The following TSNARE1 variants were observed in gnomAD, a reference collection of about 807,000 sequenced individuals.
TSNARE1 encodes t-SNARE domain-containing protein 1.
TSNARE1 carries 49 observed loss-of-function variants against 62.0 expected under a neutral mutation model. The observed-to-expected ratio is 0.79, with a 90% CI of 0.63 to 1.00. The LOEUF (loss-of-function observed/expected upper bound fraction) is 1.00. Among genes scored for constraint, TSNARE1 ranks in the 50% least tolerant of loss-of-function variants. The probability of loss-of-function intolerance (pLI) is 0.00; values close to 1 mark genes in which losing one functional copy is unlikely to be tolerated. For missense variants in TSNARE1, 755 were observed against 700.1 expected, an observed-to-expected ratio of 1.08 and a Z score of -0.88; for synonymous variants, 328 against 294.4, an observed-to-expected ratio of 1.11 and a Z score of -1.17.
At chr8:142,224,129 C>T (rs1333142092) in intron 13 of TSNARE1, among the ~76,000 whole-genome samples, 1 of 152,226 alleles carries the variant, frequency 6.6e-6, no homozygotes, top group Non-Finnish European at 1.5e-5. Context: ...CCTTCATCTA[C>T]AGCAAGAGGC....
At chr8:142,247,678 C>T (rs1015628791) in intron 12 of TSNARE1, 5 of 152,226 alleles carry the variant, frequency 3.3e-5, no homozygotes, top group Admixed American at 2.0e-4. Flanking sequence ...CTCTGACCTG[C>T]TCTGTTTCCC....
intron 13 of TSNARE1, among the ~76,000 whole-genome samples, chr8:142,227,071 C>T (rs1228479419): frequency 6.7e-6 from 1 of 149,482 alleles, no homozygotes; most frequent in African/African-American, 2.5e-5. Context: ...ACTGCACCCA[C>T]ACAGCAGTGA....
chr8:142,292,912 T>C (rs567507073), intron 10 of TSNARE1, among the ~76,000 whole-genome samples: 1 of 152,046 alleles, frequency 6.6e-6, no homozygotes, highest in Non-Finnish European at 1.5e-5. Context: ...AGCACAACCC[T>C]GTCAGTCGGG....
chr8:142,388,215 CTTGA>C (rs1837237203), intron 1 of TSNARE1, among the ~76,000 whole-genome samples: 1 of 152,002 alleles, frequency 6.6e-6, no homozygotes, highest in Non-Finnish European at 1.5e-5. Flanking sequence ...AATAATGATT[CTTGA>C]TTTTTTAAAA....
intron 1 of TSNARE1, among the ~76,000 whole-genome samples, chr8:142,367,298 T>C (rs1835618444): frequency 6.6e-6 from 1 of 152,142 alleles, no homozygotes; most frequent in Admixed American, 6.5e-5. Context: ...GACACAAGAA[T>C]AACTGGGAAA....
intron 12 of TSNARE1, among the ~76,000 whole-genome samples, chr8:142,268,505 G>A (rs993611311): frequency 4.6e-5 from 7 of 152,196 alleles, no homozygotes; most frequent in African/African-American, 1.4e-4. Context: ...GGAAGCCCCC[G>A]ACACTCTAGA....
intron 10 of TSNARE1, among the ~76,000 whole-genome samples, chr8:142,298,171 C>T (rs1825083834): frequency 6.6e-6 from 1 of 152,234 alleles, no homozygotes; most frequent in African/African-American, 2.4e-5. Context: ...CAGCCCAGAG[C>T]CCCAGCTTTC....
At chr8:142,391,654 C>A (rs569954920) in intron 1 of TSNARE1, among the ~76,000 whole-genome samples, 1 of 152,376 alleles carries the variant, frequency 6.6e-6, no homozygotes, top group Non-Finnish European at 1.5e-5. Flanking sequence ...ACAGTGGAAG[C>A]CGTGTGCAGT....
intron 1 of TSNARE1, among the ~76,000 whole-genome samples, chr8:142,401,479 G>A (rs941012486): frequency 6.6e-6 from 1 of 152,304 alleles, no homozygotes. Context: ...CTGCTGGCAG[G>A]AGCCAAACCC....
intron 13 of TSNARE1, among the ~76,000 whole-genome samples, 159 bp from the exon 14 acceptor site, chr8:142,212,472 G>T (rs557525680): frequency 6.6e-6 from 1 of 152,104 alleles, no homozygotes; most frequent in East Asian, 1.9e-4. Context: ...ACCTGCAGCT[G>T]CAGGGGCCAG....
chr8:142,288,622 C>T (rs1005495521), intron 10 of TSNARE1, among the ~76,000 whole-genome samples: 1 of 152,260 alleles, frequency 6.6e-6, no homozygotes, highest in Admixed American at 6.5e-5. Context: ...GAGCCACCTG[C>T]TATCCACGCC....
In TSNARE1 at chr8:142,336,240, C is replaced by T. The variant is rs111689206; in HGVS notation, c.746-4409G>A. Among the ~76,000 whole-genome samples, 802 of 144,216 alleles carry T rather than the reference C, an allele frequency of 5.6e-3. 11 individuals carry two copies. Among genetic ancestry groups the T allele is most frequent in the African/African-American group, 0.02 (762 of 38,484 alleles). 94.6% of individuals were successfully genotyped at this position (144,216 alleles called of 152,430 possible). A position where few individuals can be genotyped will look rare whatever the true frequency, so the allele number is the denominator to read the frequency against. ...AGGCTGCAGTGAGCCTTGATCACAC[C>T]GCTACATTTTAGCATGGACAACAGA... is the stretch of plus-strand genomic sequence containing the variant. On this transcript the variant is annotated intron_variant, in intron 4 of 13. Transcript: ENST00000524325.
At chr8:142,216,237 G>A (rs547780035) in intron 13 of TSNARE1, among the ~76,000 whole-genome samples, 4 of 152,306 alleles carry the variant, frequency 2.6e-5, no homozygotes, top group East Asian at 1.9e-4. Flanking sequence ...TCTGAGGGCT[G>A]AGCCTCAGCC....
intron 1 of TSNARE1, among the ~76,000 whole-genome samples, chr8:142,363,148 C>T (rs1169424536): frequency 2.6e-5 from 4 of 152,158 alleles, no homozygotes; most frequent in African/African-American, 7.2e-5. Flanking sequence ...GCTGTGGCTG[C>T]CTGTGCACTG....
At chr8:142,261,306 G>A (rs1327169928) in intron 12 of TSNARE1, among the ~76,000 whole-genome samples, 2 of 126,120 alleles carry the variant, frequency 1.6e-5, no homozygotes, top group African/African-American at 6.0e-5. Context: ...GGGAAGGAGA[G>A]AGGAAGGAGG....
At chr8:142,356,800 G>C (rs974622694) in intron 1 of TSNARE1, among the ~76,000 whole-genome samples, 2 of 152,136 alleles carry the variant, frequency 1.3e-5, no homozygotes, top group African/African-American at 4.8e-5. Flanking sequence ...ACTTGCCCAA[G>C]GTCCCCCAGC....
At position 142,319,332 on chromosome 8, in the gene TSNARE1, C is replaced by T. The variant is rs548844873; in HGVS notation, c.894-698G>A. Among the ~76,000 whole-genome samples the T allele has an allele frequency of 1.3e-5, 2 of 152,156 alleles. No individual in the cohort carries two copies. The highest frequency in any genetic ancestry group is 4.1e-4 in the South Asian group (2 of 4,826). On this transcript the variant is annotated intron_variant, in intron 6 of 13. Coordinates refer to ENST00000524325, the MANE Select transcript of TSNARE1 (RefSeq NM_145003.5). The surrounding 1 kb of genome is among the most constrained non-coding windows in gnomAD (Gnocchi z 4.9). ...CCCCCCTGCACACCTCTGAGGGGTGCACACCTCTGAGGGGCCCCGGGTGAG... is the reference window on the plus strand; with the variant it reads ...CCCCCCTGCACACCTCTGAGGGGTGTACACCTCTGAGGGGCCCCGGGTGAG...
chr8:142,274,316 C>T (rs147119708), intron 12 of TSNARE1: 1 of 985,446 alleles, frequency 1.0e-6, no homozygotes, highest in East Asian at 1.1e-4. Context: ...AGTGGCTAGT[C>T]CTCAAGGTAG....
intron 13 of TSNARE1, among the ~76,000 whole-genome samples, chr8:142,221,560 T>C (rs954123684): frequency 2.0e-5 from 3 of 152,242 alleles, no homozygotes; most frequent in Non-Finnish European, 4.4e-5. Flanking sequence ...AGGCCCAGCC[T>C]TGTGGCTCCA....
Sources: allele counts gnomAD v4.1 joint callset (sites outside exome capture counted in the v4.1 genomes callset), GRCh38; gene constraint gnomAD v4.1.1; non-coding constraint Gnocchi (gnomAD v3.1); transcripts MANE v1.5; gene names NCBI Gene and HGNC (gene_info 2026-07-23, HGNC 2026-07-21).